APPL2: variants seen among roughly 807,000 people sequenced by gnomAD.
The protein encoded by APPL2 is adaptor protein, phosphotyrosine interacting with PH domain and leucine zipper 2, also known as DCC-interacting protein 13-beta.
In APPL2, 84 loss-of-function variants were observed where a neutral mutation model predicts 92.7. The ratio of observed to expected loss-of-function variants is 0.91; its 90% CI spans 0.76 to 1.09. The LOEUF (loss-of-function observed/expected upper bound fraction) is 1.09, where lower values mean the gene tolerates loss of function less well. Ranked by LOEUF, APPL2 falls within the 50% of genes least tolerant of loss-of-function variation. The pLI is 0.00. For synonymous variants in APPL2, 291 were observed against 291.0 expected, an observed-to-expected ratio of 1.00 and a Z score of 0.00; for missense variants, 736 against 824.5, an observed-to-expected ratio of 0.89 and a Z score of 1.31.
At chr12:105,219,422 T>C (rs1299941030) in intron 2 of APPL2, among the ~76,000 whole-genome samples, 1 of 152,122 alleles carries the variant, frequency 6.6e-6, no homozygotes, top group Non-Finnish European at 1.5e-5. Flanking sequence ...CTTTCAAAAC[T>C]AACCAGAAAT....
At chr12:105,178,986 CTCTTTTTTTATTATTAT>C (rs1885832776) in intron 17 of APPL2, among the ~76,000 whole-genome samples, 1 of 152,018 alleles carries the variant, frequency 6.6e-6, no homozygotes, top group African/African-American at 2.4e-5. Context: ...ACCTAGATTT[CTCTTTTTTTATTATTAT>C]ACTTTAAGTT....
At position 105,229,220 on chromosome 12, in the gene APPL2, G is replaced by A. The variant is rs781063357; in HGVS notation, c.58C>T (p.Arg20Cys). Reference protein sequence around the residue: ...EEALQDSPQTRSLLSVFEEDA... With the variant: ...EEALQDSPQTCSLLSVFEEDA... ...TCTTCAAACACGCTCAGTAAAGAGC[G>A]AGTCTGGAAGAAAAGAAGAAAAAAG... The change falls in exon 2 of 21, where the codon CGC becomes TGC. Residue 20 changes from arginine to cysteine, a missense_variant. Arg to Cys is a radical substitution (Grantham distance 180, BLOSUM62 -3). Transcript: ENST00000258530. The A allele has an allele frequency of 1.9e-6, 3 of 1,612,094 alleles. No homozygotes were observed. The highest frequency in any genetic ancestry group is 1.7e-5 in the Admixed American group (1 of 59,688).
At position 105,196,149 on chromosome 12, in the gene APPL2, G is replaced by A. The variant is rs969266405; in HGVS notation, c.1053-522C>T. Among the ~76,000 whole-genome samples the A allele has an allele frequency of 6.6e-5, 10 of 152,128 alleles. 1 individual carries two copies. The highest frequency in any genetic ancestry group is 6.8e-3 in the Middle Eastern group (2 of 294). On this transcript the variant is annotated intron_variant, in intron 11 of 20. Transcript: ENST00000258530. ...TATGTGATCTTGGACAAACATGGCC[G>A]TTTCCCTGGGCCTCAGCATGTTCAT...
chr12:105,219,865 T>C (rs1033378279), intron 2 of APPL2, among the ~76,000 whole-genome samples: 2 of 152,216 alleles, frequency 1.3e-5, no homozygotes, highest in African/African-American at 4.8e-5. Flanking sequence ...CAAGCTATCT[T>C]GGCATGTTCC....
chr12:105,235,880 G>T (rs771180560), intron 1 of APPL2, 79 bp downstream of exon 1: 4 of 1,154,570 alleles, frequency 3.5e-6, no homozygotes, highest in African/African-American at 1.6e-5. Context: ...GGCCGGGGGC[G>T]CGGCCTCCAC....
Position 105,236,088 on chromosome 12 carries a change from G to A in APPL2, c.-76C>T. 8 of 1,061,126 alleles carry A rather than the reference G, an allele frequency of 7.5e-6. No homozygotes were observed. The highest frequency in any genetic ancestry group is 4.7e-5 in the South Asian group (1 of 21,326). The allele number at this position is 1,061,126 out of a possible 1,614,324, so 65.7% of individuals were successfully genotyped here. ...GACGCGGCGGCCGAGAGCACTCCCC[G>A]GCTCTGGGCTCAGGCGACGCGGCGG... is the stretch of plus-strand genomic sequence containing the variant. On this transcript the variant is annotated 5_prime_UTR_variant, in exon 1 of 21. Coordinates refer to ENST00000258530, the MANE Select transcript of APPL2 (RefSeq NM_018171.5).
chr12:105,223,391 GAGA>G (rs1890262709), intron 2 of APPL2, among the ~76,000 whole-genome samples: 1 of 152,204 alleles, frequency 6.6e-6, no homozygotes, highest in Non-Finnish European at 1.5e-5. Context: ...AGACTCGCCA[GAGA>G]AGGATTCCAA....
At chr12:105,199,232 G>C in intron 10 of APPL2, 141 bp downstream of exon 10, 2 of 986,116 alleles carry the variant, frequency 2.0e-6, no homozygotes, top group South Asian at 1.7e-5. Context: ...GTTGCAAGTG[G>C]GAGGGCTGCT....
chr12:105,188,422 T>C lies in APPL2; in HGVS notation c.1485A>G (p.Ile495Met), dbSNP rs769461870. The change falls in exon 17 of 21, where the codon ATA becomes ATG. Residue 495 changes from isoleucine (I) to methionine (M), a missense_variant. Coordinates refer to ENST00000258530, the MANE Select transcript of APPL2 (RefSeq NM_018171.5). ...CTGCCATTGATCCCAAAAACCGAACTATAAACATCTGCTGCAAAAGAGAAT... is the reference window on the plus strand; with the variant it reads ...CTGCCATTGATCCCAAAAACCGAACCATAAACATCTGCTGCAAAAGAGAAT... Reference protein sequence around the residue: ...AEDSLLQQMFIVRFLGSMAVK... With the variant: ...AEDSLLQQMFMVRFLGSMAVK... 1.2e-6 allele frequency: 2 copies of C among 1,614,160 alleles called. No homozygotes were observed. Among genetic ancestry groups the C allele is most frequent in the Non-Finnish European group, 8.5e-7 (1 of 1,180,008 alleles).
rs1003433564 is a variant in APPL2, at chr12:105,188,133, C to T, written c.1634+140G>A. 7.6e-6 allele frequency: 7 copies of T among 916,962 alleles called. No homozygotes were observed. The African/African-American group carries it at 1.0e-4, about 13-fold the overall frequency. 56.8% of individuals were successfully genotyped at this position (916,962 alleles called of 1,614,324 possible). Reference sequence around the variant, plus strand: ...TCTAAGGGAGCACTTTCTAGGCTATCTATCTTATGTAAAAAGTAGTGGGGG... The same window carrying T: ...TCTAAGGGAGCACTTTCTAGGCTATTTATCTTATGTAAAAAGTAGTGGGGG... On this transcript the variant is annotated intron_variant, in intron 17 of 20. Transcript: ENST00000258530.
In APPL2 at chr12:105,175,399, G is replaced by A. The variant is rs1315030663; in HGVS notation, c.1860+636C>T. Reference sequence around the variant, plus strand: ...CTAATATGGTAGCCACTGGCTACATGTTACTATGTAAATTTGAGTTAAATT... The same window carrying A: ...CTAATATGGTAGCCACTGGCTACATATTACTATGTAAATTTGAGTTAAATT... On this transcript the variant is annotated intron_variant, in intron 20 of 20. Transcript: ENST00000258530. 2.0e-5 allele frequency among the ~76,000 whole-genome samples: 3 copies of A among 152,166 alleles called. 1 individual carries two copies. The highest frequency in any genetic ancestry group is 7.2e-5 in the African/African-American group (3 of 41,444).
chr12:105,174,431 A>G lies in APPL2; in HGVS notation c.1878T>C (p.Ala626=). Residue 626 remains alanine, a synonymous_variant, in exon 21 of 21, where the codon GCT becomes GCC. Transcript: ENST00000258530. ...TTAGTGGTATGGACAGCATTAATTG[A>G]GCCAGTGCTTCTGGATCCTGAAGTT... The part of the protein sequence containing the change: ...IEVQKDPEAL[A]QLMLSIPLTN... 6.2e-7 allele frequency: 1 copy of G among 1,613,244 alleles called. No individual in the cohort carries two copies. The highest frequency in any genetic ancestry group is 8.5e-7 in the Non-Finnish European group (1 of 1,179,672).
chr12:105,203,561 G>A (rs531922005), intron 9 of APPL2, 142 bp downstream of exon 9: 8 of 696,966 alleles, frequency 1.1e-5, no homozygotes, highest in Non-Finnish European at 2.0e-5. Flanking sequence ...TAAGGCAAGG[G>A]CACTGTTAGC....
chr12:105,230,156 A>T (rs1049817347), intron 1 of APPL2, among the ~76,000 whole-genome samples: 1 of 152,178 alleles, frequency 6.6e-6, no homozygotes, highest in Non-Finnish European at 1.5e-5. Flanking sequence ...TGGGCCCACC[A>T]GCAGCAGCTC....
intron 1 of APPL2, among the ~76,000 whole-genome samples, chr12:105,230,793 A>C (rs903957015): frequency 3.9e-5 from 6 of 152,354 alleles, no homozygotes; most frequent in African/African-American, 1.4e-4. Context: ...GGCTAAAAAC[A>C]CCAGGACTAA....
rs3215373 is a variant in APPL2 at position 105,197,626 on chromosome 12, A to AC, written c.1052+138_1052+139insG. ...GCTTGTTTAAAGAGAGCAGAAAATCATCCTCCTGAAAGGTCAACAATACCC... is the reference window on the plus strand; with the variant it reads ...GCTTGTTTAAAGAGAGCAGAAAATCACTCCTCCTGAAAGGTCAACAATACCC... On this transcript the variant is annotated intron_variant, in intron 11 of 20. Transcript: ENST00000258530. 123 of 1,043,814 alleles carry AC rather than the reference A, an allele frequency of 1.2e-4. No individual in the cohort carries two copies. The East Asian group carries it at 3.2e-3, about 27-fold the overall frequency. The allele number at this position is 1,043,814 out of a possible 1,614,324, so 64.7% of individuals were successfully genotyped here.
In APPL2 at chr12:105,186,711, C is replaced by CATATATCATATCATATATATATCATAT. The variant is rs879874537; in HGVS notation, c.1634+1561_1634+1562insATATGATATATATATGATATGATATAT. ...ATATATCATATATCATATCATATAT[C>CATATATCATATCATATATATATCATAT]ATATCATATATATATCATATATATC... On this transcript the variant is annotated intron_variant, in intron 17 of 20. Transcript: ENST00000258530. Among the ~76,000 whole-genome samples, 7 of 38,540 alleles carry CATATATCATATCATATATATATCATAT rather than the reference C, an allele frequency of 1.8e-4. No homozygotes were observed. In the East Asian group the frequency reaches 0.017, roughly 92 times the overall value. 25.3% of individuals were successfully genotyped at this position (38,540 alleles called of 152,430 possible).
In APPL2 at chr12:105,197,108, C is replaced by CCCCTCCATGGGA. The variant is rs1449051968; in HGVS notation, c.1052+645_1052+656dup. Among the ~76,000 whole-genome samples the CCCCTCCATGGGA allele has an allele frequency of 2.0e-5, 3 of 152,012 alleles. No individual in the cohort carries two copies. In the South Asian group the frequency reaches 6.2e-4, roughly 32 times the overall value. ...CTCCCCAGGCAGGTGAACCCTGAAG[C>CCCCTCCATGGGA]CCCTCCATGGGACCCTGAAGCCCCT... On this transcript the variant is annotated intron_variant, in intron 11 of 20. Transcript: ENST00000258530.
At position 105,195,196 on chromosome 12, in the gene APPL2, C is replaced by T. The variant is rs552048602; in HGVS notation, c.1241+65G>A. ...GGTTTGTGTGGATTAAGCAACAACTCATTTCGTATTCCTAATCAATAATTT... is the reference window on the plus strand; with the variant it reads ...GGTTTGTGTGGATTAAGCAACAACTTATTTCGTATTCCTAATCAATAATTT... On this transcript the variant is annotated intron_variant, in intron 14 of 20. Transcript: ENST00000258530. The T allele has an allele frequency of 6.0e-6, 9 of 1,487,840 alleles. No homozygotes were observed. The Admixed American group carries it at 1.2e-4, about 20-fold the overall frequency. The allele number at this position is 1,487,840 out of a possible 1,614,324, so 92.2% of individuals were successfully genotyped here.
Sources: gnomAD v4.1 joint callset for allele counts (sites outside exome capture counted in the v4.1 genomes callset) on GRCh38, gnomAD v4.1.1 for gene constraint, MANE v1.5 for transcripts, NCBI Gene and HGNC (gene_info 2026-07-23, HGNC 2026-07-21) for gene names.